IGSF10: variants seen among roughly 807,000 people sequenced by gnomAD.
The protein encoded by IGSF10 is immunoglobulin superfamily member 10.
In IGSF10, 126 loss-of-function variants were observed where a neutral mutation model predicts 128.2. That is an observed-to-expected ratio of 0.98 (90% confidence interval 0.85 to 1.14). The LOEUF is 1.14. Among genes scored for constraint, IGSF10 ranks in the 50% most tolerant of loss-of-function variants. The pLI is 0.00. For synonymous variants in IGSF10, 1,185 were observed against 1,146.2 expected (o/e 1.03, Z -0.68); for missense variants, 3,295 against 3,149.8 (o/e 1.05, Z -1.10).
At chr3:151,591,032 T>G in the IGSF10 span, among the ~76,000 whole-genome samples, 1 of 152,150 alleles carries the variant, frequency 6.6e-6, no homozygotes, top group South Asian at 2.1e-4. Context: ...GGAGGCTACG[T>G]GTAGATTCTA....
the IGSF10 span, among the ~76,000 whole-genome samples, chr3:151,619,046 AAT>A: frequency 7.2e-5 from 11 of 151,746 alleles, no homozygotes; most frequent in African/African-American, 2.4e-4. Flanking sequence ...TAATAAATAG[AAT>A]AGTTACATAA....
At chr3:151,459,442 CA>C (rs909812596) in intron 2 of IGSF10, among the ~76,000 whole-genome samples, 1 of 150,012 alleles carries the variant, frequency 6.7e-6, no homozygotes, top group East Asian at 1.9e-4. Flanking sequence ...AAGTCCCTGC[CA>C]AAAAAAAAGA....
chr3:151,492,813 T>C, the IGSF10 span, among the ~76,000 whole-genome samples: 1 of 152,108 alleles, frequency 6.6e-6, no homozygotes, highest in East Asian at 1.9e-4. Context: ...GATGAAATCA[T>C]CACTTCAAAA....
rs750815172 is a variant in IGSF10, at chr3:151,443,915, G to A, written c.5063-31C>T. 100 of 1,500,612 alleles carry A rather than the reference G, an allele frequency of 6.7e-5. No homozygotes were observed. In the Middle Eastern group the frequency reaches 1.1e-3, roughly 16 times the overall value. 93.0% of individuals were successfully genotyped at this position (1,500,612 alleles called of 1,614,324 possible). On this transcript the variant is annotated intron_variant, in intron 6 of 7. Transcript: ENST00000282466. ...AAGAAAAAAAGAAAATTATTGCTACGGGTCATCAAAGTTTATTTAGAAAAC... is the reference window on the plus strand; with the variant it reads ...AAGAAAAAAAGAAAATTATTGCTACAGGTCATCAAAGTTTATTTAGAAAAC...
Position 151,443,426 on chromosome 3 carries a change from G to T in IGSF10, c.5521C>A (p.Pro1841Thr), listed in dbSNP as rs779020744. The change falls in exon 7 of 8, where the codon CCA (proline) becomes ACA (threonine). Residue 1841 changes from proline (P) to threonine (T), a missense_variant. Coordinates refer to ENST00000282466, the MANE Select transcript of IGSF10 (RefSeq NM_178822.5). ...LLVKIQVIAA[P>T]PVILEQRRQV... Reference sequence around the variant, plus strand: ...CTCCTTTGCTCTAGAATAACAGGTGGTGCTGCAATGACTTGTATTTTAACC... The same window carrying T: ...CTCCTTTGCTCTAGAATAACAGGTGTTGCTGCAATGACTTGTATTTTAACC... 2.5e-6 allele frequency: 4 copies of T among 1,614,220 alleles called. No homozygotes were observed. Among genetic ancestry groups the T allele is most frequent in the Non-Finnish European group, 3.4e-6 (4 of 1,180,046 alleles).
chr3:151,608,402 T>C, the IGSF10 span, among the ~76,000 whole-genome samples: 3 of 152,218 alleles, frequency 2.0e-5, no homozygotes, highest in Non-Finnish European at 2.9e-5. Flanking sequence ...TAGGACATCT[T>C]AAGGACTCAC....
the IGSF10 span, among the ~76,000 whole-genome samples, chr3:151,479,394 GTAATTAAT>G: frequency 3.3e-5 from 5 of 151,532 alleles, no homozygotes; most frequent in South Asian, 4.2e-4. Flanking sequence ...CTCTTTTTGG[GTAATTAAT>G]TAATTAATTA....
the IGSF10 span, among the ~76,000 whole-genome samples, chr3:151,534,107 A>T: frequency 6.6e-6 from 1 of 151,638 alleles, no homozygotes; most frequent in East Asian, 1.9e-4. Flanking sequence ...CCACAATGAG[A>T]TAACATCTCA....
At position 151,443,165 on chromosome 3, in the gene IGSF10, T is replaced by C; in HGVS notation, c.5782A>G (p.Arg1928Gly). The C allele has an allele frequency of 6.2e-7, 1 of 1,614,278 alleles. No homozygotes were observed. The change falls in exon 7 of 8, where the codon AGA becomes GGA. Residue 1928 changes from arginine (R) to glycine (G), a missense_variant. Coordinates refer to ENST00000282466, the MANE Select transcript of IGSF10 (RefSeq NM_178822.5). ...TCTTCCATTGTAAGCATTACTACTC[T>C]TCGCTCCGAACCAGTGGAACTGGTA... ...IATSSTGSER[R>G]VVMLTMEERV...
At chr3:151,602,353 G>C in the IGSF10 span, among the ~76,000 whole-genome samples, 14 of 152,146 alleles carry the variant, frequency 9.2e-5, no homozygotes, top group East Asian at 2.1e-3. Flanking sequence ...CCCACTATTT[G>C]ATTTCCTGTG....
chr3:151,612,966 G>A, the IGSF10 span, among the ~76,000 whole-genome samples: 1 of 152,194 alleles, frequency 6.6e-6, no homozygotes, highest in Non-Finnish European at 1.5e-5. Context: ...GTGTAAAGCT[G>A]TGTGGCAATT....
In IGSF10 at chr3:151,437,432, T is replaced by G. The variant is rs751351117; in HGVS notation, c.7129A>C (p.Thr2377Pro). 1.2e-6 allele frequency: 2 copies of G among 1,614,236 alleles called. No individual in the cohort carries two copies. Among genetic ancestry groups the G allele is most frequent in the Non-Finnish European group, 1.7e-6 (2 of 1,180,046 alleles). ...PEIIWILPNGTRFSNGPQSYQ... is the reference protein window; with the variant it reads ...PEIIWILPNGPRFSNGPQSYQ... ...CTTTGTGGTCCATTGGAAAATCGTG[T>G]GCCATTTGGTAAAATCCAGATTATT... Residue 2377 changes from threonine to proline, a missense_variant, in exon 8 of 8, where the codon ACA (threonine) becomes CCA (proline). Transcript: ENST00000282466.
At position 151,438,323 on chromosome 3, in the gene IGSF10, T is replaced by A; in HGVS notation, c.6238A>T (p.Ile2080Phe). The change falls in exon 8 of 8, where the codon ATC (isoleucine) becomes TTC (phenylalanine). Residue 2080 changes from isoleucine to phenylalanine, a missense_variant. Transcript: ENST00000282466. ...ISWSLPDGTM[I>F]NNAMQADDSG... ...TCATCGGCTTGCATTGCATTGTTGA[T>A]CATGGTTCCATCAGGCAAACTCCAA... 6.2e-7 allele frequency: 1 copy of A among 1,614,190 alleles called. No individual in the cohort carries two copies. The highest frequency in any genetic ancestry group is 8.5e-7 in the Non-Finnish European group (1 of 1,180,018).
At chr3:151,480,397 G>A in the IGSF10 span, among the ~76,000 whole-genome samples, 19 of 152,210 alleles carry the variant, frequency 1.2e-4, no homozygotes, top group African/African-American at 4.6e-4. Flanking sequence ...CATTAGCATC[G>A]TGGACACTTT....
chr3:151,503,124 G>T, the IGSF10 span, among the ~76,000 whole-genome samples: 841 of 152,082 alleles, frequency 5.5e-3, 2 homozygotes, highest in African/African-American at 0.019. Flanking sequence ...GGGTCCCCAG[G>T]CTGGCAGTGC....
chr3:151,464,051 G>T (rs998749133), upstream of IGSF10, among the ~76,000 whole-genome samples: 1 of 152,006 alleles, frequency 6.6e-6, no homozygotes, highest in African/African-American at 2.4e-5. Context: ...ACTTTATTTT[G>T]TAATTGTAAC....
chr3:151,503,519 GAGTAAA>G, the IGSF10 span, among the ~76,000 whole-genome samples: 1 of 152,156 alleles, frequency 6.6e-6, no homozygotes, highest in South Asian at 2.1e-4. Flanking sequence ...AGAGACAAAG[GAGTAAA>G]CTAAGAGATA....
the IGSF10 span, among the ~76,000 whole-genome samples, chr3:151,509,371 A>G: frequency 6.6e-6 from 1 of 152,214 alleles, no homozygotes; most frequent in Admixed American, 6.5e-5. Context: ...CTATACACCT[A>G]AATTGGAGAA....
chr3:151,543,926 T>C, the IGSF10 span, among the ~76,000 whole-genome samples: 58 of 152,230 alleles, frequency 3.8e-4, no homozygotes, highest in Admixed American at 3.3e-4. Flanking sequence ...TTTTCTTTTA[T>C]TGAGACGGAG....
Sources: allele counts gnomAD v4.1 joint callset (sites outside exome capture counted in the v4.1 genomes callset), GRCh38; gene constraint gnomAD v4.1.1; transcripts MANE v1.5; gene names NCBI Gene and HGNC (gene_info 2026-07-23, HGNC 2026-07-21).